The following NUDT3 variants were observed in gnomAD, a reference collection of about 807,000 sequenced individuals.
NUDT3 encodes nudix hydrolase 3, also known as diphosphoinositol polyphosphate phosphohydrolase 1.
NUDT3 carries 9 observed loss-of-function variants against 23.6 expected under a neutral mutation model. The observed-to-expected ratio is 0.38, with a 90% CI of 0.23 to 0.66. NUDT3 has a LOEUF of 0.66. NUDT3 is among the 30% of genes least tolerant of loss of function. NUDT3 has a pLI of 0.52. For synonymous variants in NUDT3, 86 were observed against 82.6 expected, an observed-to-expected ratio of 1.04 and a Z score of -0.22; for missense variants, 172 against 218.5, an observed-to-expected ratio of 0.79 and a Z score of 1.34.
In NUDT3 at chr6:34,293,558, T is replaced by C. The variant is rs922029618; in HGVS notation, c.256-23A>G. The C allele has an allele frequency of 3.7e-6, 6 of 1,613,692 alleles. No individual in the cohort carries two copies. In the African/African-American group the frequency reaches 4.0e-5, roughly 11 times the overall value. On this transcript the variant is annotated intron_variant, in intron 3 of 4. Coordinates refer to ENST00000607016, the MANE Select transcript of NUDT3 (RefSeq NM_006703.4). ...GTTCTGAAGGGCAAAGAGAGAAGGA[T>C]AGAGAGAGTTTTTCCTTAGAAAGCT...
At chr6:34,375,471 A>G (rs996841141) in intron 1 of NUDT3, among the ~76,000 whole-genome samples, 1 of 152,238 alleles carries the variant, frequency 6.6e-6, no homozygotes, top group Non-Finnish European at 1.5e-5. Flanking sequence ...ATTGTTTGTG[A>G]GGATAAATAC....
At chr6:34,313,836 G>A (rs1177577123) in intron 2 of NUDT3, among the ~76,000 whole-genome samples, 3 of 151,918 alleles carry the variant, frequency 2.0e-5, no homozygotes, top group Non-Finnish European at 4.4e-5. Context: ...GGTGGCTCAC[G>A]CTTGTAATCC....
chr6:34,373,095 T>C (rs1172613387), intron 1 of NUDT3, among the ~76,000 whole-genome samples: 2 of 151,620 alleles, frequency 1.3e-5, no homozygotes, highest in African/African-American at 2.4e-5. Context: ...CTGGCTAACA[T>C]GGTGAAACCC....
Position 34,285,163 on chromosome 6 carries a change from C to T in NUDT3, c.*3590G>A, listed in dbSNP as rs760546068. 3.9e-5 allele frequency: 6 copies of T among 152,204 alleles called. No individual in the cohort carries two copies. Among genetic ancestry groups the T allele is most frequent in the African/African-American group, 1.4e-4 (6 of 41,448 alleles). The allele number at this position is 152,204 out of a possible 1,614,324, so 9.4% of individuals were successfully genotyped here. ...CATGCAGGGCAGATGGAGTGGTGGA[C>T]ACTTGTGAAAACAAAACACTAACTG... is the stretch of plus-strand genomic sequence containing the variant. On this transcript the variant is annotated 3_prime_UTR_variant, in exon 5 of 5. Coordinates refer to ENST00000607016, the MANE Select transcript of NUDT3 (RefSeq NM_006703.4).
At chr6:34,384,151 T>C (rs892261738) in intron 1 of NUDT3, among the ~76,000 whole-genome samples, 18 of 152,196 alleles carry the variant, frequency 1.2e-4, no homozygotes, top group African/African-American at 4.3e-4. Flanking sequence ...TGGGGCATTT[T>C]ACAGACAAAC....
intron 1 of NUDT3, among the ~76,000 whole-genome samples, chr6:34,376,870 C>T (rs1193988689): frequency 6.6e-6 from 1 of 152,090 alleles, no homozygotes; most frequent in Non-Finnish European, 1.5e-5. Context: ...AGCCAGCTGA[C>T]ACCCCTTATC....
At chr6:34,310,653 C>A (rs1194726117) in intron 2 of NUDT3, among the ~76,000 whole-genome samples, 2 of 152,188 alleles carry the variant, frequency 1.3e-5, no homozygotes, top group Non-Finnish European at 2.9e-5. Flanking sequence ...CAATTCTCTA[C>A]AATTTCTTTT....
chr6:34,291,164 G>A, intron 4 of NUDT3, among the ~76,000 whole-genome samples: 1 of 152,010 alleles, frequency 6.6e-6, no homozygotes, highest in East Asian at 1.9e-4. Flanking sequence ...TCAGCATGTT[G>A]GACAGGCTGG....
rs527834935 is a variant in NUDT3 at position 34,304,911 on chromosome 6, A to G, written c.211-9226T>C. Among the ~76,000 whole-genome samples, 5 of 145,958 alleles carry G rather than the reference A, an allele frequency of 3.4e-5. No homozygotes were observed. In the South Asian group the frequency reaches 8.6e-4, roughly 25 times the overall value. On this transcript the variant is annotated intron_variant, in intron 2 of 4. Coordinates refer to ENST00000607016, the MANE Select transcript of NUDT3 (RefSeq NM_006703.4). ...GGTCTTGAACTCCTGGGCTCAAGTG[A>G]TCCTCCTGCCCTCGCCTCCCAAAGT...
intron 1 of NUDT3, among the ~76,000 whole-genome samples, chr6:34,355,690 G>C (rs567400267): frequency 9.5e-6 from 1 of 105,800 alleles, no homozygotes; most frequent in Non-Finnish European, 1.8e-5. Context: ...CTGTTTTTTT[G>C]GGGGGGTGGG....
chr6:34,297,736 T>A lies in NUDT3; in HGVS notation c.211-2051A>T, dbSNP rs1336952752. Among the ~76,000 whole-genome samples the A allele has an allele frequency of 1.2e-3, 109 of 88,068 alleles. 1 individual carries two copies. Among genetic ancestry groups the A allele is most frequent in the South Asian group, 1.6e-3 (4 of 2,502 alleles). The allele number at this position is 88,068 out of a possible 152,430, so 57.8% of individuals were successfully genotyped here. On this transcript the variant is annotated intron_variant, in intron 2 of 4. Transcript: ENST00000607016. ...GCTAATGTAAAAAAAAAAAAATATA[T>A]ATATATATATATATATATATATAAT...
At chr6:34,361,344 G>A (rs1241672898) in intron 1 of NUDT3, among the ~76,000 whole-genome samples, 3 of 152,200 alleles carry the variant, frequency 2.0e-5, no homozygotes, top group Non-Finnish European at 4.4e-5. Flanking sequence ...ACACCTATTA[G>A]AATAGCCAAA....
At chr6:34,382,337 G>A (rs2113768610) in intron 1 of NUDT3, among the ~76,000 whole-genome samples, 1 of 152,034 alleles carries the variant, frequency 6.6e-6, no homozygotes, top group South Asian at 2.1e-4. Flanking sequence ...CGGAAGGTTG[G>A]GGCTGCATTG....
chr6:34,388,603 T>A (rs1765147450), intron 1 of NUDT3, among the ~76,000 whole-genome samples: 1 of 152,146 alleles, frequency 6.6e-6, no homozygotes, highest in Non-Finnish European at 1.5e-5. Context: ...ATCTGAGAGT[T>A]GAAAAGCACC....
intron 2 of NUDT3, among the ~76,000 whole-genome samples, chr6:34,333,927 T>G (rs1764166947): frequency 6.6e-6 from 1 of 152,196 alleles, no homozygotes; most frequent in South Asian, 2.1e-4. Context: ...AACAGACACG[T>G]AAGTTTTGCA....
chr6:34,392,502 G>A lies in NUDT3; in HGVS notation c.-140C>T. 1 of 515,034 alleles carries A rather than the reference G, an allele frequency of 1.9e-6. No homozygotes were observed. The highest frequency in any genetic ancestry group is 3.3e-6 in the Non-Finnish European group (1 of 299,560). The allele number at this position is 515,034 out of a possible 1,614,324, so 31.9% of individuals were successfully genotyped here. ...GGGAGCTTCTCCGCTACACGGCTCCGCCGCTGGCCCGCCGCGGCCGCCTCA... is the reference window on the plus strand; with the variant it reads ...GGGAGCTTCTCCGCTACACGGCTCCACCGCTGGCCCGCCGCGGCCGCCTCA... On this transcript the variant is annotated 5_prime_UTR_variant, in exon 1 of 5. Transcript: ENST00000607016.
rs1247700847 is a variant in NUDT3 at position 34,283,445 on chromosome 6, C to T, written c.*5308G>A. On this transcript the variant is annotated 3_prime_UTR_variant, in exon 5 of 5. Coordinates refer to ENST00000607016, the MANE Select transcript of NUDT3 (RefSeq NM_006703.4). ...GTCTTGAACTCCTGACCTTGTGATC[C>T]ACCCGCCTCGGCCTCCCAAAGTGCT... The T allele has an allele frequency of 6.6e-6, 1 of 152,158 alleles. No homozygotes were observed. 9.4% of individuals were successfully genotyped at this position (152,158 alleles called of 1,614,324 possible). A position where few individuals can be genotyped will look rare whatever the true frequency, so the allele number is the denominator to read the frequency against.
intron 2 of NUDT3, 142 bp from the exon 3 acceptor site, chr6:34,295,827 C>G: frequency 1.1e-6 from 1 of 929,758 alleles, no homozygotes; most frequent in Non-Finnish European, 1.6e-6. Context: ...TGAAGTGATA[C>G]CAGTGTTTCC....
chr6:34,392,301 G>T lies in NUDT3; in HGVS notation c.62C>A (p.Ala21Asp). The change falls in exon 1 of 5, where the codon GCC becomes GAC. Residue 21 changes from alanine (A) to aspartate (D), a missense_variant. Physicochemically the swap from Ala to Asp is moderately radical, Grantham distance 126. Around this residue, in one of 3 missense-constraint regions of NUDT3, gnomAD observed 50 missense variants for 46.2 expected, o/e 1.08. Coordinates refer to ENST00000607016, the MANE Select transcript of NUDT3 (RefSeq NM_006703.4). ...CTCGCTGCGGAAACACAGGCATGCG[G>T]CCCGCTTCTTGTAGCCGTCGCCGTC... The part of the protein sequence containing the change: ...TYDGDGYKKR[A>D]ACLCFRSESE... The T allele has an allele frequency of 1.2e-6, 2 of 1,606,012 alleles. No individual in the cohort carries two copies. Among genetic ancestry groups the T allele is most frequent in the Non-Finnish European group, 1.7e-6 (2 of 1,177,636 alleles).
Sources: gnomAD v4.1 joint callset for allele counts (sites outside exome capture counted in the v4.1 genomes callset) on GRCh38, gnomAD v4.1.1 for gene constraint, gnomAD v4.1.1 regional missense constraint, MANE v1.5 for transcripts, NCBI Gene and HGNC (gene_info 2026-07-23, HGNC 2026-07-21) for gene names.